The following BMPER variants were observed in gnomAD, a reference collection of about 807,000 sequenced individuals.
The protein encoded by BMPER is BMP-binding endothelial regulator protein.
BMPER carries 45 observed loss-of-function variants against 87.3 expected under a neutral mutation model. The observed-to-expected ratio is 0.52, with a 90% confidence interval of 0.41 to 0.66. BMPER has a LOEUF of 0.66. Among genes scored for constraint, BMPER ranks in the 30% least tolerant of loss-of-function variants. The pLI is 0.00. For synonymous variants in BMPER, 326 were observed against 316.2 expected, an observed-to-expected ratio of 1.03 and a Z score of -0.33; for missense variants, 784 against 867.5, an observed-to-expected ratio of 0.90 and a Z score of 1.21.
intron 6 of BMPER, among the ~76,000 whole-genome samples, chr7:34,001,563 CTTT>C (rs34700644): frequency 7.2e-6 from 1 of 138,600 alleles, no homozygotes; most frequent in Admixed American, 7.1e-5. Flanking sequence ...AATCTGCTTT[CTTT>C]TTTTTTTTTT....
chr7:33,931,169 C>G (rs1277220364), intron 2 of BMPER, among the ~76,000 whole-genome samples: 1 of 152,232 alleles, frequency 6.6e-6, no homozygotes, highest in East Asian at 1.9e-4. Flanking sequence ...CCCAGGTGGC[C>G]TGTCCAGAAA....
intron 13 of BMPER, among the ~76,000 whole-genome samples, chr7:34,106,400 A>G (rs551030485): frequency 6.0e-4 from 92 of 152,356 alleles, no homozygotes; most frequent in African/African-American, 2.2e-3. Flanking sequence ...GAGATGAATA[A>G]GAGCTACACT....
chr7:33,993,523 A>T (rs886263728), intron 6 of BMPER, among the ~76,000 whole-genome samples: 17 of 151,038 alleles, frequency 1.1e-4, no homozygotes, highest in Middle Eastern at 3.4e-3. Context: ...ATTCTTCTAA[A>T]TTTTTTTTCA....
chr7:33,924,482 C>A (rs1018650520), intron 2 of BMPER, among the ~76,000 whole-genome samples: 2 of 152,158 alleles, frequency 1.3e-5, no homozygotes, highest in Non-Finnish European at 2.9e-5. Context: ...CCCCTCTCAC[C>A]GTGCTCCAGC....
chr7:34,106,307 T>C (rs1263950521), intron 13 of BMPER, among the ~76,000 whole-genome samples: 1 of 152,264 alleles, frequency 6.6e-6, no homozygotes, highest in Non-Finnish European at 1.5e-5. Context: ...TCTATTGGTT[T>C]ATCCAAAGTG....
At chr7:34,101,082 A>C (rs1420336) in intron 13 of BMPER, among the ~76,000 whole-genome samples, 149,229 of 152,320 alleles carry the variant, frequency 0.98, 73,188 homozygotes, top group East Asian at 1. Context: ...AAAGTTTGAG[A>C]AGTGCTGGGT....
intron 6 of BMPER, among the ~76,000 whole-genome samples, chr7:34,001,900 T>C (rs1423653705): frequency 2.0e-5 from 3 of 151,800 alleles, no homozygotes; most frequent in African/African-American, 7.2e-5. Context: ...TTCTAATTTC[T>C]TTTGTCATGT....
chr7:33,938,968 T>G (rs1419845671), intron 3 of BMPER, among the ~76,000 whole-genome samples: 1 of 151,984 alleles, frequency 6.6e-6, no homozygotes, highest in South Asian at 2.1e-4. Context: ...GAAGTTGCAG[T>G]GAGCCAAGAT....
chr7:34,077,031 G>A (rs1300467593), intron 11 of BMPER, among the ~76,000 whole-genome samples: 1 of 152,180 alleles, frequency 6.6e-6, no homozygotes, highest in African/African-American at 2.4e-5. Context: ...AGGTTACTAT[G>A]TAGTCCTTTT....
At chr7:34,089,645 G>A (rs866257604) in intron 13 of BMPER, among the ~76,000 whole-genome samples, 3 of 151,716 alleles carry the variant, frequency 2.0e-5, no homozygotes, top group Admixed American at 1.3e-4. Flanking sequence ...CACCACACCC[G>A]GCTAATTTCT....
At chr7:34,143,179 T>C (rs775231672) in intron 13 of BMPER, 51 bp from the exon 14 acceptor site, 1 of 1,609,848 alleles carries the variant, frequency 6.2e-7, no homozygotes, top group Non-Finnish European at 8.5e-7. Context: ...ATTTAGGGTG[T>C]TTATGGTTTG....
intron 2 of BMPER, among the ~76,000 whole-genome samples, chr7:33,916,007 T>C (rs1284735763): frequency 1.3e-5 from 2 of 152,214 alleles, no homozygotes; most frequent in Non-Finnish European, 2.9e-5. Flanking sequence ...TGGGCCGTGG[T>C]CGGCACTTTA....
At chr7:33,965,172 G>A (rs1387970536) in intron 3 of BMPER, among the ~76,000 whole-genome samples, 1 of 152,110 alleles carries the variant, frequency 6.6e-6, no homozygotes, top group Non-Finnish European at 1.5e-5. Flanking sequence ...TCATGCAAAG[G>A]AAATTAAAAA....
At chr7:34,141,681 C>T (rs1283033023) in intron 13 of BMPER, among the ~76,000 whole-genome samples, 6 of 149,196 alleles carry the variant, frequency 4.0e-5, no homozygotes, top group Admixed American at 6.7e-5. Flanking sequence ...TTTTTCTGTG[C>T]TGGTTATCGT....
chr7:34,151,033 G>A (rs1191860933), intron 14 of BMPER, among the ~76,000 whole-genome samples: 2 of 152,162 alleles, frequency 1.3e-5, no homozygotes, highest in East Asian at 3.9e-4. Flanking sequence ...TGAGAAGAAT[G>A]GAAGATGGGG....
intron 3 of BMPER, among the ~76,000 whole-genome samples, chr7:33,960,106 A>C (rs566067607): frequency 6.6e-6 from 1 of 152,346 alleles, no homozygotes; most frequent in South Asian, 2.1e-4. Context: ...AAGCAATGAA[A>C]AAAATTTTGT....
chr7:33,937,123 G>T (rs1488373992), intron 2 of BMPER, among the ~76,000 whole-genome samples, 166 bp from the exon 3 acceptor site: 1 of 152,118 alleles, frequency 6.6e-6, no homozygotes, highest in Non-Finnish European at 1.5e-5. Context: ...TTCCTGGATG[G>T]GTATTTCTGT....
intron 3 of BMPER, among the ~76,000 whole-genome samples, chr7:33,941,143 A>G (rs1784753823): frequency 7.2e-6 from 1 of 138,346 alleles, no homozygotes; most frequent in Admixed American, 7.7e-5. Flanking sequence ...TATATGTAAT[A>G]TATTACATAT....
intron 3 of BMPER, among the ~76,000 whole-genome samples, chr7:33,943,871 C>T (rs1784822265): frequency 6.6e-6 from 1 of 152,174 alleles, no homozygotes; most frequent in Non-Finnish European, 1.5e-5. Flanking sequence ...GGATATGTTC[C>T]TCCCCCTTTT....
Sources: gnomAD v4.1 joint callset for allele counts (sites outside exome capture counted in the v4.1 genomes callset) on GRCh38, gnomAD v4.1.1 for gene constraint, MANE v1.5 for transcripts, NCBI Gene and HGNC (gene_info 2026-07-23, HGNC 2026-07-21) for gene names.